HCN1: variants seen among roughly 807,000 people sequenced by gnomAD.
HCN1 encodes the protein potassium/sodium hyperpolarization-activated cyclic nucleotide-gated channel 1.
Under a neutral mutation model 78.9 loss-of-function variants are expected in HCN1, and 13 were observed. The ratio of observed to expected loss-of-function variants is 0.16; its 90% CI spans 0.11 to 0.26. The LOEUF (loss-of-function observed/expected upper bound fraction) is 0.26. Among genes scored for constraint, HCN1 ranks in the 10% least tolerant of loss-of-function variants. HCN1 has a pLI of 1.00. For missense variants in HCN1, 810 were observed against 1,154.3 expected, an observed-to-expected ratio of 0.70 and a Z score of 4.32; for synonymous variants, 552 against 455.5, an observed-to-expected ratio of 1.21 and a Z score of -2.70.
intron 5 of HCN1, among the ~76,000 whole-genome samples, chr5:45,327,033 G>A (rs952858567): frequency 6.6e-6 from 1 of 151,666 alleles, no homozygotes; most frequent in African/African-American, 2.4e-5. Flanking sequence ...TATATTGACA[G>A]GAAGAGTGTT....
At position 45,524,380 on chromosome 5, in the gene HCN1, T is replaced by A. The variant is rs1175649323; in HGVS notation, c.850-62373A>T. On this transcript the variant is annotated intron_variant, in intron 2 of 7. Transcript: ENST00000303230. ...GTTCCATATGAACTTTAAAGTAGTT[T>A]TTTCCAATTCTGTGAAGAAAGTCAT... 1.3e-4 allele frequency among the ~76,000 whole-genome samples: 20 copies of A among 152,294 alleles called. No homozygotes were observed. The East Asian group carries it at 3.1e-3, about 24-fold the overall frequency.
intron 5 of HCN1, among the ~76,000 whole-genome samples, chr5:45,348,389 C>T (rs771921510): frequency 4.6e-5 from 7 of 152,136 alleles, no homozygotes; most frequent in Non-Finnish European, 1.0e-4. Flanking sequence ...AAAGGAACGA[C>T]CGGTACCAGC....
At chr5:45,547,675 C>T (rs1743257438) in intron 2 of HCN1, among the ~76,000 whole-genome samples, 1 of 151,764 alleles carries the variant, frequency 6.6e-6, no homozygotes. Flanking sequence ...TTTTGTACTG[C>T]AATTTTTTAG....
chr5:45,505,854 T>C (rs891435382), intron 2 of HCN1, among the ~76,000 whole-genome samples: 1 of 152,122 alleles, frequency 6.6e-6, no homozygotes, highest in Non-Finnish European at 1.5e-5. Context: ...TGGTATTATT[T>C]TTCATCAGTC....
chr5:45,681,678 A>G (rs1271452724), intron 1 of HCN1, among the ~76,000 whole-genome samples: 2 of 152,152 alleles, frequency 1.3e-5, no homozygotes, highest in Non-Finnish European at 2.9e-5. Context: ...TCCCTGTACA[A>G]TAAGGTTTTA....
intron 3 of HCN1, among the ~76,000 whole-genome samples, chr5:45,403,174 G>A (rs1244389261): frequency 1.3e-5 from 2 of 152,102 alleles, no homozygotes; most frequent in Non-Finnish European, 2.9e-5. Flanking sequence ...CATTGCTTGT[G>A]TTTGCAAGGG....
At chr5:45,385,500 A>C (rs1747892652) in intron 4 of HCN1, among the ~76,000 whole-genome samples, 1 of 152,176 alleles carries the variant, frequency 6.6e-6, no homozygotes, top group South Asian at 2.1e-4. Flanking sequence ...TAGTCAGGAA[A>C]TAAAGGCAAT....
intron 4 of HCN1, among the ~76,000 whole-genome samples, chr5:45,353,911 A>G (rs1210124650): frequency 6.6e-6 from 1 of 152,026 alleles, no homozygotes; most frequent in Non-Finnish European, 1.5e-5. Flanking sequence ...GTAGGCGTCA[A>G]CTGTGATTGT....
chr5:45,592,274 G>A (rs1001812681), intron 2 of HCN1, among the ~76,000 whole-genome samples: 6 of 152,032 alleles, frequency 3.9e-5, no homozygotes, highest in East Asian at 1.9e-4. Flanking sequence ...TAAAGTATGC[G>A]GAGTTCATAA....
At chr5:45,349,029 G>T (rs548461383) in intron 5 of HCN1, among the ~76,000 whole-genome samples, 1 of 152,164 alleles carries the variant, frequency 6.6e-6, no homozygotes, top group Non-Finnish European at 1.5e-5. Flanking sequence ...GGACCTAATA[G>T]ACATCTACAG....
chr5:45,660,505 T>C (rs993745507), intron 1 of HCN1, among the ~76,000 whole-genome samples: 23 of 150,628 alleles, frequency 1.5e-4, no homozygotes, highest in Non-Finnish European at 3.0e-4. Context: ...AAACACAGAC[T>C]GGCAAGTTGG....
chr5:45,500,173 A>T (rs1742160255), intron 2 of HCN1, among the ~76,000 whole-genome samples: 1 of 151,604 alleles, frequency 6.6e-6, no homozygotes, highest in Non-Finnish European at 1.5e-5. Context: ...GGGTAATTTA[A>T]AAAAAATAAT....
At chr5:45,667,756 T>G (rs995025561) in intron 1 of HCN1, among the ~76,000 whole-genome samples, 17 of 151,986 alleles carry the variant, frequency 1.1e-4, no homozygotes, top group Non-Finnish European at 2.2e-4. Flanking sequence ...GCTCTCTTGT[T>G]ATGTTTCAAC....
chr5:45,548,655 G>T (rs1743284702), intron 2 of HCN1, among the ~76,000 whole-genome samples: 1 of 152,050 alleles, frequency 6.6e-6, no homozygotes, highest in African/African-American at 2.4e-5. Flanking sequence ...GGGCTATCAG[G>T]CAAGAGAAGG....
chr5:45,307,115 A>G (rs1263400068), intron 5 of HCN1, among the ~76,000 whole-genome samples: 1 of 152,128 alleles, frequency 6.6e-6, no homozygotes, highest in Non-Finnish European at 1.5e-5. Context: ...CCAACGGTCA[A>G]ACAAAGCTGG....
intron 5 of HCN1, among the ~76,000 whole-genome samples, chr5:45,323,590 G>A (rs1047815912): frequency 6.6e-6 from 1 of 151,730 alleles, no homozygotes; most frequent in African/African-American, 2.4e-5. Context: ...TATACTTTAA[G>A]TTTTACAGTA....
At chr5:45,466,669 A>G (rs1384002192) in intron 2 of HCN1, among the ~76,000 whole-genome samples, 2 of 152,196 alleles carry the variant, frequency 1.3e-5, no homozygotes, top group Non-Finnish European at 2.9e-5. Flanking sequence ...TACTGTTAAC[A>G]TATATTCAGG....
chr5:45,632,621 G>T (rs1331565195), intron 2 of HCN1, among the ~76,000 whole-genome samples: 4 of 151,902 alleles, frequency 2.6e-5, no homozygotes, highest in Non-Finnish European at 5.9e-5. Context: ...TAATTTCACT[G>T]CCTGCTATTT....
Position 45,262,053 on chromosome 5 carries a change from C to T in HCN1, c.2541G>A (p.Ser847=), listed in dbSNP as rs1158586028. The stretch of plus-strand genomic sequence containing the variant: ...CTCCTCGGTTCGGGGGGATGGCTCC[C>T]GACGACATCTGTCGGAAGAGGGTGA... The part of the protein sequence containing the change: ...QRVTLFRQMS[S]GAIPPNRGVP... Residue 847 remains serine, a synonymous_variant, in exon 8 of 8, where the codon TCG becomes TCA. Transcript: ENST00000303230. 1 of 1,613,872 alleles carries T rather than the reference C, an allele frequency of 6.2e-7. No individual in the cohort carries two copies. Among genetic ancestry groups the T allele is most frequent in the South Asian group, 1.1e-5 (1 of 91,072 alleles).
Sources: gnomAD v4.1 joint callset for allele counts (sites outside exome capture counted in the v4.1 genomes callset) on GRCh38, gnomAD v4.1.1 for gene constraint, MANE v1.5 for transcripts, NCBI Gene and HGNC (gene_info 2026-07-23, HGNC 2026-07-21) for gene names.